The following METTL6 variants were observed in gnomAD, a reference collection of about 807,000 sequenced individuals.
METTL6 encodes methyltransferase 6, tRNA N3-cytidine.
METTL6 carries 22 observed loss-of-function variants against 26.4 expected under a neutral mutation model. That is an observed-to-expected ratio of 0.83 (90% CI 0.59 to 1.19). METTL6 has a LOEUF of 1.19. METTL6 is among the 50% of genes most tolerant of loss of function. The probability of loss-of-function intolerance (pLI) is 0.00; values close to 1 mark genes in which losing one functional copy is unlikely to be tolerated. For synonymous variants in METTL6, 109 were observed against 116.2 expected, an observed-to-expected ratio of 0.94 and a Z score of 0.40; for missense variants, 304 against 324.8, an observed-to-expected ratio of 0.94 and a Z score of 0.49.
intron 6 of METTL6, among the ~76,000 whole-genome samples, chr3:15,386,074 G>A (rs933546762): frequency 1.3e-5 from 2 of 152,138 alleles, no homozygotes; most frequent in Admixed American, 1.3e-4. Flanking sequence ...GTAAACTTAT[G>A]GTTATTTCTT....
In METTL6 at chr3:15,414,149, C is replaced by G. The variant is rs750065455; in HGVS notation, c.545G>C (p.Gly182Ala). The G allele has an allele frequency of 1.2e-6, 2 of 1,612,214 alleles. No individual in the cohort carries two copies. Among genetic ancestry groups the G allele is most frequent in the African/African-American group, 2.7e-5 (2 of 74,714 alleles). ...LQNIYKVLKP[G>A]KSVLFRDYGL... ...GTAGTCACGAAACAAGACACTTTTG[C>G]CTGGTTTTAATACCTATGAAACAAA... The change falls in exon 5 of 6, where the codon GGC becomes GCC. Residue 182 changes from glycine (G) to alanine (A), a missense_variant. By Grantham distance (60) the Gly-to-Ala change is moderately conservative. Coordinates refer to ENST00000383790, the MANE Select transcript of METTL6 (RefSeq NM_152396.4).
chr3:15,390,095 T>C (rs1699303950), intron 6 of METTL6, among the ~76,000 whole-genome samples: 2 of 151,858 alleles, frequency 1.3e-5, no homozygotes, highest in Non-Finnish European at 2.9e-5. Context: ...AGAGAACAGA[T>C]TGTAAATTTA....
chr3:15,397,312 C>T (rs941952028), intron 6 of METTL6, among the ~76,000 whole-genome samples: 12 of 152,122 alleles, frequency 7.9e-5, no homozygotes, highest in Admixed American at 2.6e-4. Flanking sequence ...CCTGGTGTGC[C>T]GTTTGCTAAG....
At position 15,387,016 on chromosome 3, in the gene METTL6, T is replaced by C. The variant is rs1699218808; in HGVS notation, c.*12-2829A>G. On this transcript the variant is annotated intron_variant, in intron 6 of 6. Coordinates refer to the METTL6 transcript ENST00000443029. ...TCTCACCATGTTGCCCAGGCTGGTC[T>C]TGAACTCCTGACCTCAGGTGATCCA... Among the ~76,000 whole-genome samples the C allele has an allele frequency of 2.0e-5, 3 of 152,240 alleles. No individual in the cohort carries two copies. The South Asian group carries it at 6.2e-4, about 32-fold the overall frequency.
rs576197531 is a variant in METTL6 at position 15,417,111 on chromosome 3, C to T, written c.361-1169G>A. ...CGCTTGAGTTCAAAGCTGCAGTGAGCTATGATCCATGCCACTGCAAGCTAG... is the reference window on the plus strand; with the variant it reads ...CGCTTGAGTTCAAAGCTGCAGTGAGTTATGATCCATGCCACTGCAAGCTAG... On this transcript the variant is annotated intron_variant, in intron 3 of 5. Coordinates refer to ENST00000383790, the MANE Select transcript of METTL6 (RefSeq NM_152396.4). Among the ~76,000 whole-genome samples, 189 of 152,262 alleles carry T rather than the reference C, an allele frequency of 1.2e-3. 1 individual carries two copies. The Middle Eastern group carries it at 0.031, about 25-fold the overall frequency.
chr3:15,423,919 C>G (rs938144410), intron 3 of METTL6, among the ~76,000 whole-genome samples: 2 of 151,580 alleles, frequency 1.3e-5, no homozygotes, highest in Admixed American at 6.6e-5. Flanking sequence ...ATAAAAGACA[C>G]CTGGAAGCCA....
At chr3:15,422,078 C>T (rs1403119945) in intron 3 of METTL6, among the ~76,000 whole-genome samples, 4 of 151,474 alleles carry the variant, frequency 2.6e-5, no homozygotes, top group African/African-American at 4.9e-5. Context: ...TTAATCCCAG[C>T]ACTCTGGGAG....
intron 6 of METTL6, among the ~76,000 whole-genome samples, chr3:15,400,702 C>T (rs1003017785): frequency 6.6e-6 from 1 of 152,054 alleles, no homozygotes; most frequent in African/African-American, 2.4e-5. Context: ...AATAAAGGGT[C>T]ATTACAGAAA....
chr3:15,415,697 A>G, intron 4 of METTL6, 75 bp downstream of exon 4: 1 of 1,595,808 alleles, frequency 6.3e-7, no homozygotes, highest in Non-Finnish European at 8.6e-7. Flanking sequence ...TAGACAGTAC[A>G]TGAGCCTCAT....
At chr3:15,408,528 A>T (rs1294152005), downstream of METTL6, among the ~76,000 whole-genome samples, 3 of 148,828 alleles carry the variant, frequency 2.0e-5, no homozygotes, top group African/African-American at 4.9e-5. Context: ...ACAAAAGCAC[A>T]GGCTTATCCT....
At chr3:15,393,587 G>C (rs1365528198) in intron 6 of METTL6, among the ~76,000 whole-genome samples, 2 of 152,166 alleles carry the variant, frequency 1.3e-5, no homozygotes, top group Non-Finnish European at 2.9e-5. Flanking sequence ...TTTTCAAAGG[G>C]AATGCTTCCA....
intron 6 of METTL6, among the ~76,000 whole-genome samples, chr3:15,398,413 C>T (rs960442264): frequency 6.6e-6 from 1 of 152,108 alleles, no homozygotes; most frequent in African/African-American, 2.4e-5. Context: ...AGGCTGGCCT[C>T]GAGCTCGTGA....
intron 3 of METTL6, among the ~76,000 whole-genome samples, chr3:15,421,232 G>A (rs560185341): frequency 6.6e-6 from 1 of 152,158 alleles, no homozygotes; most frequent in Non-Finnish European, 1.5e-5. Flanking sequence ...TAGATGTCTT[G>A]ATGTGACAAC....
intron 4 of METTL6, chr3:15,414,882 A>T: frequency 1.1e-6 from 1 of 895,100 alleles, no homozygotes; most frequent in African/African-American, 1.7e-5. Context: ...CGTCCATGCC[A>T]CTGCACTCCA....
rs1212162375 is a variant in METTL6 at position 15,410,495 on chromosome 3, G to C, written c.*761C>G. Among the ~76,000 whole-genome samples, 3 of 152,098 alleles carry C rather than the reference G, an allele frequency of 2.0e-5. No homozygotes were observed. Among genetic ancestry groups the C allele is most frequent in the African/African-American group, 7.2e-5 (3 of 41,406 alleles). ...TTGGCTAATTTTTGTATTTTCTGTA[G>C]AGACAGAGTTTCACCATGTTGCCCA... On this transcript the variant is annotated 3_prime_UTR_variant, in exon 6 of 6. Coordinates refer to ENST00000383790, the MANE Select transcript of METTL6 (RefSeq NM_152396.4).
intron 3 of METTL6, among the ~76,000 whole-genome samples, chr3:15,420,549 TA>T (rs1297231079): frequency 6.6e-6 from 1 of 152,188 alleles, no homozygotes; most frequent in Non-Finnish European, 1.5e-5. Flanking sequence ...AGGAGGAGAA[TA>T]AAGTGCAAAG....
At chr3:15,414,278 C>G in intron 4 of METTL6, 116 bp from the exon 5 acceptor site, 1 of 1,476,476 alleles carries the variant, frequency 6.8e-7, no homozygotes, top group Non-Finnish European at 8.9e-7. Context: ...GACTGAAATG[C>G]CCATAATACG....
intron 4 of METTL6, 89 bp from the exon 5 acceptor site, chr3:15,414,251 T>C (rs1559491345): frequency 1.3e-6 from 2 of 1,518,752 alleles, no homozygotes; most frequent in South Asian, 1.3e-5. Flanking sequence ...AAATTTGTGA[T>C]AGTTACTAAG....
intron 6 of METTL6, among the ~76,000 whole-genome samples, chr3:15,400,738 A>G (rs1699617749): frequency 1.3e-5 from 2 of 152,248 alleles, no homozygotes; most frequent in South Asian, 4.1e-4. Flanking sequence ...AAGTATAAAG[A>G]AGAAAAGCAA....
Sources: gnomAD v4.1 joint callset for allele counts (sites outside exome capture counted in the v4.1 genomes callset) on GRCh38, gnomAD v4.1.1 for gene constraint, MANE v1.5 for transcripts, NCBI Gene and HGNC (gene_info 2026-07-23, HGNC 2026-07-21) for gene names.